SPMIP6: variants seen among roughly 807,000 people sequenced by gnomAD.
SPMIP6 encodes the protein sperm microtubule inner protein 6.
At chr9:34,393,589 A>AT in the SPMIP6 span, among the ~76,000 whole-genome samples, 3 of 151,240 alleles carry the variant, frequency 2.0e-5, no homozygotes, top group Non-Finnish European at 3.0e-5. Flanking sequence ...AATTTCTTCT[A>AT]TTTTTTTTCT....
chr9:34,380,761 C>T, the SPMIP6 span: 5 of 1,548,060 alleles, frequency 3.2e-6, no homozygotes, highest in South Asian at 6.0e-5. Context: ...CACGGCAGGG[C>T]CTCGAGAGCG....
chr9:34,392,427 G>A, the SPMIP6 span, among the ~76,000 whole-genome samples: 1 of 142,362 alleles, frequency 7.0e-6, no homozygotes, highest in Non-Finnish European at 1.5e-5. This position sits in a 1 kb window ranked among gnomAD's most constrained non-coding sequence, Gnocchi z 4.6. Context: ...TTTATGTGGT[G>A]ATCCATCTAA....
chr9:34,397,474 C>T, the SPMIP6 span: 3 of 1,613,798 alleles, frequency 1.9e-6, no homozygotes, highest in African/African-American at 1.3e-5. Flanking sequence ...TCTGGCCTGC[C>T]CCTCCCCACC....
chr9:34,387,974 A>G, the SPMIP6 span, among the ~76,000 whole-genome samples: 1 of 152,128 alleles, frequency 6.6e-6, no homozygotes, highest in Non-Finnish European at 1.5e-5. Flanking sequence ...GGATTTTAGC[A>G]TTCAGTATAT....
the SPMIP6 span, among the ~76,000 whole-genome samples, chr9:34,390,218 A>G: frequency 7.9e-5 from 12 of 152,086 alleles, no homozygotes; most frequent in African/African-American, 2.4e-4. Flanking sequence ...CTTGATTCCA[A>G]TTTTTAAAAG....
the SPMIP6 span, chr9:34,379,157 C>T: frequency 6.2e-7 from 1 of 1,613,330 alleles, no homozygotes; most frequent in Non-Finnish European, 8.5e-7. This position sits in a 1 kb window ranked among gnomAD's most constrained non-coding sequence, Gnocchi z 4.2. Flanking sequence ...GACCACCAGA[C>T]TTCTTGAAGT....
chr9:34,397,698 C>T, the SPMIP6 span: 4 of 1,505,572 alleles, frequency 2.7e-6, no homozygotes, highest in Non-Finnish European at 3.6e-6. Context: ...ACATCAGTGA[C>T]CACCCTTCCC....
At chr9:34,379,230 G>T in the SPMIP6 span, 1 of 1,119,926 alleles carries the variant, frequency 8.9e-7, no homozygotes, top group Non-Finnish European at 1.4e-6. This position sits in a 1 kb window ranked among gnomAD's most constrained non-coding sequence, Gnocchi z 4.2. Flanking sequence ...ATGTCAAAGT[G>T]AATATCTGAC....
At chr9:34,380,734 GGAGCCC>G in the SPMIP6 span, 102 of 1,548,580 alleles carry the variant, frequency 6.6e-5, no homozygotes, top group Non-Finnish European at 8.7e-5. Flanking sequence ...TTCAGGCCTT[GGAGCCC>G]GAGGGCGGGA....
At chr9:34,380,916 G>C in the SPMIP6 span, 14 of 1,589,236 alleles carry the variant, frequency 8.8e-6, no homozygotes, top group Admixed American at 1.0e-4. Context: ...GGTTGCTCCC[G>C]GCACCAAGGC....
chr9:34,379,575 T>TC, the SPMIP6 span: 1 of 1,364,582 alleles, frequency 7.3e-7, no homozygotes, highest in Non-Finnish European at 1.0e-6. The surrounding 1 kb of genome is among the most constrained non-coding windows in gnomAD (Gnocchi z 4.2). Context: ...CTACCAGACA[T>TC]CCTCCCCCAG....
the SPMIP6 span, chr9:34,379,911 G>T: frequency 5.3e-6 from 3 of 568,254 alleles, no homozygotes; most frequent in African/African-American, 1.9e-5. This position sits in a 1 kb window ranked among gnomAD's most constrained non-coding sequence, Gnocchi z 4.2. Flanking sequence ...AACCCCCCTT[G>T]GAAGACTCCC....
At chr9:34,385,174 T>C in the SPMIP6 span, among the ~76,000 whole-genome samples, 1 of 148,226 alleles carries the variant, frequency 6.7e-6, no homozygotes, top group African/African-American at 2.5e-5. Context: ...TCAGGTCAGG[T>C]GGTTGGTGGA....
chr9:34,392,969 G>A, the SPMIP6 span, among the ~76,000 whole-genome samples: 1 of 152,208 alleles, frequency 6.6e-6, no homozygotes, highest in Non-Finnish European at 1.5e-5. The surrounding 1 kb of genome is among the most constrained non-coding windows in gnomAD (Gnocchi z 4.6). Flanking sequence ...GCAACATTGT[G>A]CATAAGGTGC....
At chr9:34,381,579 G>A in the SPMIP6 span, 1 of 1,485,326 alleles carries the variant, frequency 6.7e-7, no homozygotes, top group South Asian at 1.3e-5. This position sits in a 1 kb window ranked among gnomAD's most constrained non-coding sequence, Gnocchi z 4.4. Context: ...ACCTCTCCAG[G>A]GCTCTGTGTT....
chr9:34,387,569 TATTC>T, the SPMIP6 span, among the ~76,000 whole-genome samples: 18 of 152,186 alleles, frequency 1.2e-4, no homozygotes, highest in Non-Finnish European at 2.2e-4. Flanking sequence ...TATAGGTGTA[TATTC>T]ATACATACAC....
At chr9:34,381,630 G>T in the SPMIP6 span, 4 of 1,437,230 alleles carry the variant, frequency 2.8e-6, no homozygotes, top group Non-Finnish European at 3.7e-6. This position sits in a 1 kb window ranked among gnomAD's most constrained non-coding sequence, Gnocchi z 4.4. Flanking sequence ...CGCCAACAGG[G>T]GCGGGGTGGG....
At chr9:34,387,206 G>A in the SPMIP6 span, among the ~76,000 whole-genome samples, 17,216 of 151,930 alleles carry the variant, frequency 0.11, 1,084 homozygotes, top group South Asian at 0.16. Flanking sequence ...TCACCATGTT[G>A]CCCAGGCTGG....
At chr9:34,388,141 CT>C in the SPMIP6 span, among the ~76,000 whole-genome samples, 119,826 of 135,058 alleles carry the variant, frequency 0.89, 53,167 homozygotes, top group East Asian at 0.94. Context: ...AGTTTAACTG[CT>C]TTTTTTTTTT....
Sources: allele counts gnomAD v4.1 joint callset (sites outside exome capture counted in the v4.1 genomes callset), GRCh38; gene constraint gnomAD v4.1.1; non-coding constraint Gnocchi (gnomAD v3.1); transcripts MANE v1.5; gene names NCBI Gene and HGNC (gene_info 2026-07-23, HGNC 2026-07-21).